The following VWA3B variants were observed in gnomAD, a reference collection of about 807,000 sequenced individuals.
VWA3B encodes the protein von Willebrand factor A domain-containing protein 3B.
Under a neutral mutation model 158.3 loss-of-function variants are expected in VWA3B, and 138 were observed. That is an observed-to-expected ratio of 0.87 (90% CI 0.76 to 1.00). The LOEUF (loss-of-function observed/expected upper bound fraction) is 1.00, where lower values mean the gene tolerates loss of function less well. Ranked by LOEUF, VWA3B falls within the 50% of genes least tolerant of loss-of-function variation. The pLI is 0.00. For synonymous variants in VWA3B, 596 were observed against 587.3 expected (o/e 1.01, Z -0.21); for missense variants, 1,555 against 1,565.1 (o/e 0.99, Z 0.11).
chr2:98,175,831 C>T (rs1029194546), intron 8 of VWA3B, among the ~76,000 whole-genome samples: 2 of 152,198 alleles, frequency 1.3e-5, no homozygotes, highest in East Asian at 1.9e-4. Context: ...ACAATGAATC[C>T]GTTTGGTAGA....
At chr2:98,304,841 A>T (rs372139674) in intron 26 of VWA3B, among the ~76,000 whole-genome samples, 3 of 151,044 alleles carry the variant, frequency 2.0e-5, no homozygotes, top group East Asian at 2.0e-4. Flanking sequence ...AAACACACAC[A>T]CTCCTAAATA....
At chr2:98,325,814 A>C in the VWA3B span, among the ~76,000 whole-genome samples, 4 of 152,234 alleles carry the variant, frequency 2.6e-5, no homozygotes, top group African/African-American at 9.6e-5. Context: ...TAGAACAAGT[A>C]GACCAAAACC....
At chr2:98,243,565 A>T (rs1255584857) in intron 19 of VWA3B, among the ~76,000 whole-genome samples, 1 of 152,000 alleles carries the variant, frequency 6.6e-6, no homozygotes, top group African/African-American at 2.4e-5. Context: ...TGAACTCTTG[A>T]CCTTGTGATC....
intron 22 of VWA3B, among the ~76,000 whole-genome samples, chr2:98,277,652 C>T (rs1002332459): frequency 2.0e-5 from 3 of 152,190 alleles, no homozygotes; most frequent in African/African-American, 7.2e-5. Flanking sequence ...AGCCTATGGC[C>T]TTCAGGGGTG....
chr2:98,295,509 G>A (rs1173549089), intron 23 of VWA3B, among the ~76,000 whole-genome samples: 1 of 152,120 alleles, frequency 6.6e-6, no homozygotes, highest in Non-Finnish European at 1.5e-5. Context: ...GGACAACCCC[G>A]ACTGAGGCAG....
chr2:98,271,647 A>C (rs963528421), intron 22 of VWA3B, among the ~76,000 whole-genome samples: 1 of 152,222 alleles, frequency 6.6e-6, no homozygotes, highest in Non-Finnish European at 1.5e-5. Flanking sequence ...TTCTTCACTA[A>C]ATGTTAAACA....
intron 2 of VWA3B, among the ~76,000 whole-genome samples, chr2:98,106,494 A>G (rs1319335366): frequency 6.6e-6 from 1 of 152,232 alleles, no homozygotes; most frequent in African/African-American, 2.4e-5. Flanking sequence ...ATGCTGACGA[A>G]AATGCTGAGT....
chr2:98,243,489 A>G (rs1686208727), intron 19 of VWA3B, among the ~76,000 whole-genome samples: 1 of 151,984 alleles, frequency 6.6e-6, no homozygotes, highest in Non-Finnish European at 1.5e-5. Context: ...ACGCACCACC[A>G]TGCCTGACTA....
chr2:98,248,848 TTTC>T (rs1558724215), intron 19 of VWA3B, among the ~76,000 whole-genome samples: 293 of 23,970 alleles, frequency 0.012, 5 homozygotes, highest in African/African-American at 0.11. Flanking sequence ...TCTTTCTTTC[TTTC>T]TTTCTTTCTT....
At chr2:98,270,608 A>G in intron 21 of VWA3B, 74 bp from the exon 22 acceptor site, 2 of 1,460,804 alleles carry the variant, frequency 1.4e-6, no homozygotes, top group Non-Finnish European at 1.9e-6. Flanking sequence ...ATCTTACCAT[A>G]TTTTTTTATT....
intron 2 of VWA3B, among the ~76,000 whole-genome samples, chr2:98,110,867 A>C (rs1328914541): frequency 3.3e-5 from 5 of 152,334 alleles, no homozygotes; most frequent in Non-Finnish European, 7.3e-5. Flanking sequence ...TGTTTTCACA[A>C]TAGTGAATAA....
intron 17 of VWA3B, among the ~76,000 whole-genome samples, 199 bp from the exon 18 acceptor site, chr2:98,236,191 C>T (rs1430075222): frequency 6.6e-6 from 1 of 152,032 alleles, no homozygotes; most frequent in Non-Finnish European, 1.5e-5. Context: ...CCGTATTTAC[C>T]CATGCATTGG....
chr2:98,159,839 G>T (rs1404651998), intron 7 of VWA3B, among the ~76,000 whole-genome samples: 1 of 151,646 alleles, frequency 6.6e-6, no homozygotes, highest in Non-Finnish European at 1.5e-5. Flanking sequence ...CCAACATGGT[G>T]AAACCCCATC....
chr2:98,178,550 T>C (rs1179462071), intron 8 of VWA3B, among the ~76,000 whole-genome samples: 1 of 152,254 alleles, frequency 6.6e-6, no homozygotes, highest in Non-Finnish European at 1.5e-5. Flanking sequence ...TTTGTTTCCC[T>C]AACAGTGAGT....
chr2:98,088,239 A>G (rs1298424442), intron 1 of VWA3B, among the ~76,000 whole-genome samples: 1 of 152,218 alleles, frequency 6.6e-6, no homozygotes, highest in African/African-American at 2.4e-5. Flanking sequence ...TCAGAAACTA[A>G]CAGGGGTATA....
In VWA3B at chr2:98,298,027, TC is replaced by T; in HGVS notation, c.3280del (p.Gln1094ArgfsTer11). ...PVGGAMPCPL[L>X]QVGDYVFAKI... is the part of the protein sequence containing the mutation. ...GGGGGCGCCATGCCCTGCCCGCTGCTCCAGGTACCCAGTCCCTGATGTGTTC... is the reference window on the plus strand; with the variant it reads ...GGGGGCGCCATGCCCTGCCCGCTGCTCAGGTACCCAGTCCCTGATGTGTTC... On this transcript the variant is annotated frameshift_variant, in exon 24 of 28. Transcript: ENST00000477737. LOFTEE classifies it high-confidence loss of function. The T allele has an allele frequency of 6.4e-7, 1 of 1,556,946 alleles. No homozygotes were observed. The highest frequency in any genetic ancestry group is 8.7e-7 in the Non-Finnish European group (1 of 1,153,214).
At chr2:98,180,026 T>C (rs111207446) in intron 8 of VWA3B, among the ~76,000 whole-genome samples, 8 of 149,280 alleles carry the variant, frequency 5.4e-5, no homozygotes, top group African/African-American at 1.7e-4. Flanking sequence ...TTCTTTTTCT[T>C]TCTTCTCTCT....
At chr2:98,123,937 A>G (rs1283888235) in intron 5 of VWA3B, among the ~76,000 whole-genome samples, 1 of 152,202 alleles carries the variant, frequency 6.6e-6, no homozygotes, top group African/African-American at 2.4e-5. Flanking sequence ...AGATACCTGC[A>G]TTTCTGATTC....
intron 15 of VWA3B, 26 bp downstream of exon 15, chr2:98,228,358 C>T: frequency 6.2e-7 from 1 of 1,603,850 alleles, no homozygotes; most frequent in Non-Finnish European, 8.5e-7. Context: ...CGCCTGTCTC[C>T]CTGCGCTGAG....
Sources: allele counts gnomAD v4.1 joint callset (sites outside exome capture counted in the v4.1 genomes callset), GRCh38; gene constraint gnomAD v4.1.1; transcripts MANE v1.5; gene names NCBI Gene and HGNC (gene_info 2026-07-23, HGNC 2026-07-21).